KLRF1: variants seen among roughly 807,000 people sequenced by gnomAD.
The protein encoded by KLRF1 is killer cell lectin like receptor F1, also known as killer cell lectin-like receptor subfamily F member 1.
In KLRF1, 27 loss-of-function variants were observed where a neutral mutation model predicts 30.7. The ratio of observed to expected loss-of-function variants is 0.88; its 90% CI spans 0.65 to 1.21. The LOEUF (loss-of-function observed/expected upper bound fraction) is 1.21, where lower values mean the gene tolerates loss of function less well. Among genes scored for constraint, KLRF1 ranks in the 50% most tolerant of loss-of-function variants. The pLI, the probability that KLRF1 is intolerant of heterozygous loss-of-function variation, is 0.00. For missense variants in KLRF1, 246 were observed against 259.3 expected, an observed-to-expected ratio of 0.95 and a Z score of 0.35; for synonymous variants, 92 against 89.3, an observed-to-expected ratio of 1.03 and a Z score of -0.17.
the KLRF1 span, among the ~76,000 whole-genome samples, chr12:9,809,324 T>C: frequency 2.0e-5 from 3 of 152,302 alleles, no homozygotes; most frequent in South Asian, 2.1e-4. Flanking sequence ...TTTTCCTCCA[T>C]TCCTGGCCCA....
intron 3 of KLRF1, among the ~76,000 whole-genome samples, chr12:9,835,660 G>C (rs1867559769): frequency 6.6e-6 from 1 of 152,110 alleles, no homozygotes; most frequent in African/African-American, 2.4e-5. Flanking sequence ...GGCTCCAATT[G>C]TTTCGGTGAC....
the KLRF1 span, among the ~76,000 whole-genome samples, chr12:9,800,989 C>A: frequency 6.6e-6 from 1 of 151,926 alleles, no homozygotes; most frequent in Admixed American, 6.6e-5. Flanking sequence ...CTAATGCTCT[C>A]CCTCCCCTTC....
the KLRF1 span, chr12:9,817,500 G>C: frequency 7.3e-6 from 3 of 413,496 alleles, no homozygotes; most frequent in Non-Finnish European, 1.4e-5. Context: ...TTTTTTTCCA[G>C]AGTACTGTTT....
intron 1 of KLRF1, among the ~76,000 whole-genome samples, chr12:9,828,332 G>C (rs58769719): frequency 0.025 from 3,826 of 152,100 alleles, 148 homozygotes; most frequent in African/African-American, 0.087. Context: ...CCACCCACCT[G>C]AGTCTTCCAA....
upstream of KLRF1, among the ~76,000 whole-genome samples, chr12:9,825,735 C>G (rs939777274): frequency 6.6e-6 from 1 of 152,276 alleles, no homozygotes; most frequent in African/African-American, 2.4e-5. Flanking sequence ...AACAGATAAT[C>G]TACAGAATGG....
the KLRF1 span, among the ~76,000 whole-genome samples, chr12:9,821,205 G>C: frequency 6.6e-6 from 1 of 152,022 alleles, no homozygotes; most frequent in Non-Finnish European, 1.5e-5. Context: ...TCCCCAAAAA[G>C]TGGAATACCA....
the KLRF1 span, among the ~76,000 whole-genome samples, chr12:9,809,617 G>A: frequency 6.6e-6 from 1 of 152,102 alleles, no homozygotes; most frequent in Non-Finnish European, 1.5e-5. Context: ...CCAGAAGGCA[G>A]AATTGATACC....
At chr12:9,807,204 T>G in the KLRF1 span, among the ~76,000 whole-genome samples, 1 of 152,014 alleles carries the variant, frequency 6.6e-6, no homozygotes, top group African/African-American at 2.4e-5. Flanking sequence ...TTTTAATCCT[T>G]TTGCCTTTTT....
chr12:9,804,942 C>A, the KLRF1 span, among the ~76,000 whole-genome samples: 1 of 151,728 alleles, frequency 6.6e-6, no homozygotes, highest in Non-Finnish European at 1.5e-5. Flanking sequence ...GATGTTCAAC[C>A]AATTTTGCAT....
rs774505169 is a variant in KLRF1 at position 9,830,363 on chromosome 12, A to G, written c.86-1953A>G. Among the ~76,000 whole-genome samples the G allele has an allele frequency of 1.2e-4, 18 of 152,046 alleles. No individual in the cohort carries two copies. The South Asian group carries it at 3.7e-3, about 32-fold the overall frequency. On this transcript the variant is annotated intron_variant, in intron 1 of 5. Coordinates refer to ENST00000617889, the MANE Select transcript of KLRF1 (RefSeq NM_016523.3). ...TCTGCACTCACATTACCTTCAAATA[A>G]TTTTACCTTCTTTTTCTAATATTTC...
In KLRF1 at chr12:9,833,329, CA is replaced by C. The variant is rs779263351; in HGVS notation, c.216del (p.Gly73GlufsTer15). On this transcript the variant is annotated frameshift_variant, in exon 3 of 6. Transcript: ENST00000617889. LOFTEE classifies it high-confidence loss of function. ...TTCTCAGGGAGTATTGCTAAAATGCCAAAAAGGAAGTTGTTCAAATGCCACT... is the reference window on the plus strand; with the variant it reads ...TTCTCAGGGAGTATTGCTAAAATGCCAAAAGGAAGTTGTTCAAATGCCACT... ...LVSQGVLLKC[Q>X]KGSCSNATQY... 1.1e-5 allele frequency: 17 copies of C among 1,602,232 alleles called. No homozygotes were observed. In the Admixed American group the frequency reaches 1.9e-4, roughly 18 times the overall value.
rs758074024 is a variant in KLRF1, at chr12:9,832,309, G to A, written c.86-7G>A. The A allele has an allele frequency of 8.7e-6, 13 of 1,490,276 alleles. No individual in the cohort carries two copies. The highest frequency in any genetic ancestry group is 1.7e-5 in the Admixed American group (1 of 59,254). The allele number at this position is 1,490,276 out of a possible 1,614,324, so 92.3% of individuals were successfully genotyped here. A position where few individuals can be genotyped will look rare whatever the true frequency, so the allele number is the denominator to read the frequency against. ...TTCTAAACTAATTCATGTGATTAATGTCTCAGATTATTCAGTGACGTTGCA... is the reference window on the plus strand; with the variant it reads ...TTCTAAACTAATTCATGTGATTAATATCTCAGATTATTCAGTGACGTTGCA... On this transcript the variant is annotated splice_polypyrimidine_tract_variant and splice_region_variant and intron_variant, in intron 1 of 5. Transcript: ENST00000617889.
chr12:9,800,110 G>A, the KLRF1 span, among the ~76,000 whole-genome samples: 1 of 152,186 alleles, frequency 6.6e-6, no homozygotes, highest in South Asian at 2.1e-4. Flanking sequence ...AGACCAAGAA[G>A]TGGGATTACT....
At chr12:9,808,405 T>A in the KLRF1 span, among the ~76,000 whole-genome samples, 3 of 152,178 alleles carry the variant, frequency 2.0e-5, no homozygotes, top group Admixed American at 1.3e-4. Flanking sequence ...ATAACAGTGA[T>A]TTCAAATAAT....
At chr12:9,814,338 A>C in the KLRF1 span, among the ~76,000 whole-genome samples, 1 of 152,176 alleles carries the variant, frequency 6.6e-6, no homozygotes, top group Non-Finnish European at 1.5e-5. Context: ...CCATCTCCAC[A>C]GCCGGGACTG....
At chr12:9,843,902 T>C (rs773770859) in intron 5 of KLRF1, among the ~76,000 whole-genome samples, 1 of 152,300 alleles carries the variant, frequency 6.6e-6, no homozygotes, top group Non-Finnish European at 1.5e-5. Flanking sequence ...ATTTTATACA[T>C]AAATTTGTTA....
chr12:9,833,134 A>G (rs369264930), intron 2 of KLRF1, among the ~76,000 whole-genome samples, 169 bp from the exon 3 acceptor site: 2 of 152,198 alleles, frequency 1.3e-5, no homozygotes, highest in South Asian at 2.1e-4. Flanking sequence ...AATTGATTGT[A>G]TAATATTTTG....
intron 1 of KLRF1, among the ~76,000 whole-genome samples, chr12:9,827,934 C>G (rs941038587): frequency 1.1e-4 from 17 of 152,266 alleles, no homozygotes; most frequent in Admixed American, 1.1e-3. Flanking sequence ...GTGGAACTAA[C>G]ACTTACTTGT....
chr12:9,800,619 A>G, the KLRF1 span, among the ~76,000 whole-genome samples: 1,244 of 152,074 alleles, frequency 8.2e-3, 13 homozygotes, highest in African/African-American at 0.028. Flanking sequence ...GACATATGAT[A>G]TTGATCATAT....
Sources: allele counts gnomAD v4.1 joint callset (sites outside exome capture counted in the v4.1 genomes callset), GRCh38; gene constraint gnomAD v4.1.1; transcripts MANE v1.5; gene names NCBI Gene and HGNC (gene_info 2026-07-23, HGNC 2026-07-21).